Variants in SPAG16 observed in about 807,000 individuals in gnomAD.
SPAG16 encodes the protein sperm-associated antigen 16 protein.
A neutral mutation model predicts 80.4 loss-of-function variants in SPAG16; 86 were observed. That is an observed-to-expected ratio of 1.07 (90% CI 0.90 to 1.28). SPAG16 has a LOEUF of 1.28. SPAG16 is among the 50% of genes most tolerant of loss of function. The pLI, the probability that SPAG16 is intolerant of heterozygous loss-of-function variation, is 0.00. For synonymous variants in SPAG16, 294 were observed against 265.9 expected (o/e 1.11, Z -1.03); for missense variants, 870 against 765.3 (o/e 1.14, Z -1.61).
At chr2:213,533,303 A>C (rs1179731321) in intron 10 of SPAG16, among the ~76,000 whole-genome samples, 2 of 152,136 alleles carry the variant, frequency 1.3e-5, no homozygotes, top group South Asian at 4.1e-4. Context: ...AGGATGCTCA[A>C]ATTTCTCCTC....
chr2:214,315,300 C>A (rs938887294), intron 15 of SPAG16, among the ~76,000 whole-genome samples: 3 of 152,082 alleles, frequency 2.0e-5, no homozygotes, highest in African/African-American at 7.2e-5. Flanking sequence ...ACTGTTATTT[C>A]TAAATGTATT....
chr2:214,014,733 AG>A (rs2124968198), intron 13 of SPAG16, among the ~76,000 whole-genome samples: 1 of 152,346 alleles, frequency 6.6e-6, no homozygotes, highest in East Asian at 1.9e-4. Flanking sequence ...AGACAAAACA[AG>A]ATCATGACGT....
rs80052682 is a variant in SPAG16 at position 213,859,421 on chromosome 2, A to C, written c.1071-3064A>C. Reference sequence around the variant, plus strand: ...TTAACTGTAAAGAACAGGTTCTTCTAACCCCTCTAACACTATTGTGTCTGG... The same window carrying C: ...TTAACTGTAAAGAACAGGTTCTTCTCACCCCTCTAACACTATTGTGTCTGG... On this transcript the variant is annotated intron_variant, in intron 10 of 15. Coordinates refer to ENST00000331683, the MANE Select transcript of SPAG16 (RefSeq NM_024532.5). 5.3e-3 allele frequency among the ~76,000 whole-genome samples: 801 copies of C among 152,096 alleles called. 14 individuals carry two copies. The highest frequency in any genetic ancestry group is 0.041 in the East Asian group (209 of 5,156).
chr2:214,000,540 G>C (rs989318401), intron 12 of SPAG16, among the ~76,000 whole-genome samples: 1 of 152,154 alleles, frequency 6.6e-6, no homozygotes, highest in East Asian at 1.9e-4. Flanking sequence ...TATTTATTGA[G>C]TACCCACTCT....
At chr2:213,622,416 A>G (rs1283247702) in intron 10 of SPAG16, among the ~76,000 whole-genome samples, 1 of 152,064 alleles carries the variant, frequency 6.6e-6, no homozygotes, top group Non-Finnish European at 1.5e-5. Context: ...ACATTGTTTC[A>G]TTTCTTTCCT....
At chr2:213,825,701 C>CTTTTTTTTTTTTTTTTTTTTTTTTT (rs55777958) in intron 10 of SPAG16, among the ~76,000 whole-genome samples, 4 of 109,792 alleles carry the variant, frequency 3.6e-5, no homozygotes, top group African/African-American at 1.1e-4. Flanking sequence ...TTCTTTCTTT[C>CTTTTTTTTTTTTTTTTTTTTTTTTT]TTTTTTTTTT....
At chr2:213,306,334 T>C (rs76613090) in intron 3 of SPAG16, among the ~76,000 whole-genome samples, 1,916 of 8,698 alleles carry the variant, frequency 0.22, 36 homozygotes, top group African/African-American at 0.35. Context: ...GAATTTCATT[T>C]ATTTCTGCTC....
At chr2:213,746,376 A>G (rs185450136) in intron 10 of SPAG16, among the ~76,000 whole-genome samples, 70 of 152,318 alleles carry the variant, frequency 4.6e-4, no homozygotes, top group African/African-American at 1.6e-3. Flanking sequence ...ATAGTGTCCC[A>G]TAAGATTATA....
intron 14 of SPAG16, among the ~76,000 whole-genome samples, chr2:214,142,463 G>A (rs1456239403): frequency 6.6e-6 from 1 of 152,086 alleles, no homozygotes; most frequent in Non-Finnish European, 1.5e-5. Context: ...CTTCTTTTGA[G>A]TAAGTAAAAG....
chr2:214,200,192 T>C (rs2057968984), intron 15 of SPAG16, among the ~76,000 whole-genome samples: 1 of 152,150 alleles, frequency 6.6e-6, no homozygotes, highest in African/African-American at 2.4e-5. Context: ...TTTTTAACTT[T>C]TCCCCATTCA....
At chr2:213,437,063 C>G (rs1030196668) in intron 9 of SPAG16, among the ~76,000 whole-genome samples, 1 of 152,082 alleles carries the variant, frequency 6.6e-6, no homozygotes, top group Admixed American at 6.6e-5. Flanking sequence ...AGGCACCCAC[C>G]ACCGCGCCCG....
At chr2:213,486,022 A>G (rs1366701134) in intron 9 of SPAG16, among the ~76,000 whole-genome samples, 22 of 152,156 alleles carry the variant, frequency 1.4e-4, no homozygotes, top group Admixed American at 6.5e-5. Context: ...TAAAGTTCAC[A>G]TCAGTATAAT....
chr2:214,190,396 C>A (rs1344460691), intron 15 of SPAG16, among the ~76,000 whole-genome samples: 2 of 151,842 alleles, frequency 1.3e-5, no homozygotes, highest in African/African-American at 4.8e-5. Flanking sequence ...TCATATATGC[C>A]CCCAAATTTT....
chr2:214,238,269 G>A lies in SPAG16; in HGVS notation c.1720+89003G>A, dbSNP rs1014119558. 4.4e-5 allele frequency: 13 copies of A among 298,268 alleles called. 1 individual carries two copies. The highest frequency in any genetic ancestry group is 2.4e-4 in the Admixed American group (5 of 21,132). 18.5% of individuals were successfully genotyped at this position (298,268 alleles called of 1,614,324 possible). ...CATATGATGAGATATTTTATGCCTC[G>A]TTTTCCATCTGCTTGAGTTAGCACC... On this transcript the variant is annotated intron_variant, in intron 15 of 15. Transcript: ENST00000331683.
chr2:213,327,561 C>T (rs1298977574), intron 5 of SPAG16, among the ~76,000 whole-genome samples: 4 of 151,918 alleles, frequency 2.6e-5, no homozygotes, highest in Admixed American at 6.6e-5. Context: ...AATTTTGCAG[C>T]GTTATTTCTT....
At chr2:214,340,207 G>A (rs779313678) in intron 15 of SPAG16, among the ~76,000 whole-genome samples, 2 of 152,056 alleles carry the variant, frequency 1.3e-5, no homozygotes, top group Admixed American at 6.6e-5. Context: ...TTTCTTTGAC[G>A]ATAGACCCAC....
intron 10 of SPAG16, among the ~76,000 whole-genome samples, chr2:213,746,786 G>A (rs1406107405): frequency 6.6e-6 from 1 of 152,096 alleles, no homozygotes; most frequent in Admixed American, 6.6e-5. Context: ...CAGCCTGGGC[G>A]ACAGAGCAAG....
chr2:213,611,626 G>T (rs16850537), intron 10 of SPAG16, among the ~76,000 whole-genome samples: 9,060 of 152,096 alleles, frequency 0.06, 888 homozygotes, highest in African/African-American at 0.2. Context: ...ATTTTTAGGA[G>T]ATTTGCTATT....
At chr2:213,748,547 C>G (rs890146392) in intron 10 of SPAG16, among the ~76,000 whole-genome samples, 21 of 151,874 alleles carry the variant, frequency 1.4e-4, no homozygotes, top group Non-Finnish European at 2.9e-4. Context: ...ATAGCTCATG[C>G]TACTGAAAGT....
Sources: allele counts gnomAD v4.1 joint callset (sites outside exome capture counted in the v4.1 genomes callset), GRCh38; gene constraint gnomAD v4.1.1; transcripts MANE v1.5; gene names NCBI Gene and HGNC (gene_info 2026-07-23, HGNC 2026-07-21).